The following PHF2 variants were observed in gnomAD, a reference collection of about 807,000 sequenced individuals.
PHF2 encodes the protein lysine-specific demethylase PHF2.
Under a neutral mutation model 120.5 loss-of-function variants are expected in PHF2, and 27 were observed. The ratio of observed to expected loss-of-function variants is 0.22; its 90% CI spans 0.17 to 0.31. The LOEUF is 0.31. PHF2 is among the 10% of genes least tolerant of loss of function. PHF2 has a pLI of 1.00. For synonymous variants in PHF2, 568 were observed against 592.5 expected (o/e 0.96, Z 0.60); for missense variants, 1,024 against 1,434.8 (o/e 0.71, Z 4.63).
At chr9:93,612,344 A>G (rs1332247387) in intron 1 of PHF2, among the ~76,000 whole-genome samples, 2 of 152,210 alleles carry the variant, frequency 1.3e-5, no homozygotes, top group Non-Finnish European at 2.9e-5. Context: ...TGCCAAGAAT[A>G]TGGGAGAATG....
At chr9:93,597,322 GC>G (rs1825353982) in intron 1 of PHF2, among the ~76,000 whole-genome samples, 1 of 152,192 alleles carries the variant, frequency 6.6e-6, no homozygotes, top group Non-Finnish European at 1.5e-5. Flanking sequence ...TTTGGTCTTA[GC>G]TTCTCTTTGC....
chr9:93,629,190 C>T (rs896950865), intron 1 of PHF2, among the ~76,000 whole-genome samples: 4 of 152,122 alleles, frequency 2.6e-5, no homozygotes, highest in South Asian at 2.1e-4. Flanking sequence ...CATGAGCCAC[C>T]GTGCCTGGCC....
At chr9:93,602,296 A>G (rs1825457102) in intron 1 of PHF2, among the ~76,000 whole-genome samples, 1 of 119,122 alleles carries the variant, frequency 8.4e-6, no homozygotes, top group Non-Finnish European at 1.6e-5. Context: ...TCTGTCACCC[A>G]GGCTGGAGTG....
intron 1 of PHF2, among the ~76,000 whole-genome samples, chr9:93,582,309 G>A (rs181030854): frequency 2.9e-4 from 44 of 152,318 alleles, no homozygotes; most frequent in Admixed American, 2.3e-3. Context: ...ATAACTGCTC[G>A]TGTCCATGGT....
intron 1 of PHF2, among the ~76,000 whole-genome samples, chr9:93,587,374 CGGAGGAGCCTCA>C (rs1863067911): frequency 8.2e-6 from 1 of 121,702 alleles, no homozygotes. Flanking sequence ...GGGTGAGGGA[CGGAGGAGCCTCA>C]GATGAGGGAC....
chr9:93,653,068 C>T (rs527787958), intron 5 of PHF2, 111 bp from the exon 6 acceptor site: 5 of 947,436 alleles, frequency 5.3e-6, no homozygotes, highest in East Asian at 2.6e-5. Flanking sequence ...ACCCGTGGCC[C>T]GCAGGTGGTG....
At chr9:93,636,594 C>A in intron 3 of PHF2, 69 bp downstream of exon 3, 1 of 1,134,542 alleles carries the variant, frequency 8.8e-7, no homozygotes, top group Non-Finnish European at 1.3e-6. Flanking sequence ...GTCCCTTGTC[C>A]CGCTATCCAT....
intron 17 of PHF2, among the ~76,000 whole-genome samples, chr9:93,673,341 C>T (rs1826844446): frequency 1.3e-5 from 2 of 152,062 alleles, no homozygotes; most frequent in Admixed American, 1.3e-4. Flanking sequence ...CCATCTCTGT[C>T]TCCAGGCCTC....
At chr9:93,616,053 A>G (rs187598467) in intron 1 of PHF2, among the ~76,000 whole-genome samples, 2 of 152,336 alleles carry the variant, frequency 1.3e-5, no homozygotes, top group East Asian at 3.9e-4. Context: ...AGCACCAGGG[A>G]AAAGGGCTGT....
intron 14 of PHF2, 25 bp from the exon 15 acceptor site, chr9:93,665,661 G>T (rs1826662684): frequency 6.2e-7 from 1 of 1,610,516 alleles, no homozygotes. Flanking sequence ...TGTGGATGCT[G>T]CTGACCCACT....
At chr9:93,634,665 T>C (rs1826061371) in intron 2 of PHF2, among the ~76,000 whole-genome samples, 1 of 152,114 alleles carries the variant, frequency 6.6e-6, no homozygotes, top group African/African-American at 2.4e-5. Flanking sequence ...TGCATCCACC[T>C]CTCCTTCCAA....
intron 19 of PHF2, among the ~76,000 whole-genome samples, chr9:93,675,288 C>T (rs1360516451): frequency 6.6e-6 from 1 of 152,264 alleles, no homozygotes; most frequent in African/African-American, 2.4e-5. Context: ...CTGGCTGGCT[C>T]CTCTCTGGTT....
chr9:93,670,880 A>T (rs867689046), intron 17 of PHF2: 12 of 537,800 alleles, frequency 2.2e-5, no homozygotes, highest in South Asian at 8.2e-5. Context: ...GGGCCACCTG[A>T]AGCTGAGGGC....
intron 1 of PHF2, among the ~76,000 whole-genome samples, chr9:93,624,814 GTGA>G (rs547426353): frequency 1.2e-3 from 181 of 151,272 alleles, no homozygotes; most frequent in East Asian, 7.8e-3. Context: ...GATGGTGATG[GTGA>G]TGATGATGGT....
chr9:93,656,088 T>A lies in PHF2; in HGVS notation c.1040+67T>A. The A allele has an allele frequency of 7.4e-7, 1 of 1,348,246 alleles. No individual in the cohort carries two copies. The highest frequency in any genetic ancestry group is 1.0e-6 in the Non-Finnish European group (1 of 963,520). The allele number at this position is 1,348,246 out of a possible 1,614,324, so 83.5% of individuals were successfully genotyped here. The stretch of plus-strand genomic sequence containing the variant: ...AGCGTCCTCCCTCTAGCTGGGTCGG[T>A]GCTAGATGCCTTGGGCTGAGTCCTG... On this transcript the variant is annotated intron_variant, in intron 8 of 21. Transcript: ENST00000359246. This position sits in a 1 kb window ranked among gnomAD's most constrained non-coding sequence, Gnocchi z 4.1.
At chr9:93,607,964 G>GAGAGAGT in intron 1 of PHF2, among the ~76,000 whole-genome samples, 1 of 87,292 alleles carries the variant, frequency 1.1e-5, no homozygotes, top group Admixed American at 1.1e-4. Flanking sequence ...AGAGAGAGAG[G>GAGAGAGT]GAAAGAGATG....
In PHF2 at chr9:93,679,265, C is replaced by T; in HGVS notation, c.*1589C>T. 2.2e-6 allele frequency: 1 copy of T among 455,926 alleles called. No homozygotes were observed. Among genetic ancestry groups the T allele is most frequent in the Non-Finnish European group, 4.4e-6 (1 of 226,932 alleles). The allele number at this position is 455,926 out of a possible 1,614,324, so 28.2% of individuals were successfully genotyped here. On this transcript the variant is annotated 3_prime_UTR_variant, in exon 22 of 22. Transcript: ENST00000359246. ...TGTCCTGTTTGGAGGGACGCAGTCCCTAGGGCCCGAGACTGGGTGGGAGAG... is the reference window on the plus strand; with the variant it reads ...TGTCCTGTTTGGAGGGACGCAGTCCTTAGGGCCCGAGACTGGGTGGGAGAG...
chr9:93,602,521 G>A (rs1005557435), intron 1 of PHF2, among the ~76,000 whole-genome samples: 1 of 152,044 alleles, frequency 6.6e-6, no homozygotes, highest in African/African-American at 2.4e-5. Flanking sequence ...CCAAAGTGCT[G>A]GGATTACAGG....
intron 11 of PHF2, 110 bp from the exon 12 acceptor site, chr9:93,660,082 T>C (rs997307444): frequency 7.4e-7 from 1 of 1,349,310 alleles, no homozygotes; most frequent in South Asian, 1.6e-5. Context: ...TCTGGGCTGA[T>C]AGTTCCCCGC....
Sources: allele counts gnomAD v4.1 joint callset (sites outside exome capture counted in the v4.1 genomes callset), GRCh38; gene constraint gnomAD v4.1.1; non-coding constraint Gnocchi (gnomAD v3.1); transcripts MANE v1.5; gene names NCBI Gene and HGNC (gene_info 2026-07-23, HGNC 2026-07-21).